Variants in HAPLN1 observed in about 807,000 individuals in gnomAD.
The protein encoded by HAPLN1 is Cartilage link protein.
A neutral mutation model predicts 36.5 loss-of-function variants in HAPLN1; 13 were observed. That is an observed-to-expected ratio of 0.36 (90% confidence interval 0.23 to 0.57). The LOEUF is 0.57. HAPLN1 is among the 20% of genes least tolerant of loss of function. The pLI, the probability that HAPLN1 is intolerant of heterozygous loss-of-function variation, is 0.83. For synonymous variants in HAPLN1, 202 were observed against 169.8 expected (o/e 1.19, Z -1.48); for missense variants, 407 against 439.7 (o/e 0.93, Z 0.66).
rs1749693989 is a variant in HAPLN1, at chr5:83,641,531, G to A, written c.1030C>T (p.Leu344=). 6.2e-7 allele frequency: 1 copy of A among 1,613,832 alleles called. No homozygotes were observed. The highest frequency in any genetic ancestry group is 8.5e-7 in the Non-Finnish European group (1 of 1,179,796). Residue 344 remains leucine, a synonymous_variant, in exon 5 of 5, where the codon CTG becomes TTG. Coordinates refer to ENST00000274341, the MANE Select transcript of HAPLN1 (RefSeq NM_001884.4). ...GCTCTGAAGCAGTAGACACCATACA[G>A]CTTATGCTTTTTATCTGGGAAACCC... is the stretch of plus-strand genomic sequence containing the variant. ...FVGFPDKKHK[L]YGVYCFRAYN
At chr5:83,654,985 A>G (rs376973377) in intron 2 of HAPLN1, among the ~76,000 whole-genome samples, 208 of 152,366 alleles carry the variant, frequency 1.4e-3, no homozygotes, top group African/African-American at 4.8e-3. Flanking sequence ...ACTAACTACT[A>G]AACTGTTCCT....
chr5:83,688,284 C>G (rs773629660), intron 1 of HAPLN1, among the ~76,000 whole-genome samples: 15 of 152,198 alleles, frequency 9.9e-5, no homozygotes, highest in Non-Finnish European at 1.9e-4. Flanking sequence ...AAGGAGTCAT[C>G]CCAGTGATCA....
intron 3 of HAPLN1, among the ~76,000 whole-genome samples, chr5:83,647,502 A>G (rs1218526360): frequency 6.6e-6 from 1 of 152,168 alleles, no homozygotes; most frequent in African/African-American, 2.4e-5. Flanking sequence ...TTGGAACTTC[A>G]TTATTGTTAG....
intron 1 of HAPLN1, among the ~76,000 whole-genome samples, chr5:83,678,450 A>G (rs1168228352): frequency 6.6e-6 from 1 of 152,190 alleles, no homozygotes. Context: ...TTTAAACAAT[A>G]TATTTTGTCA....
chr5:83,644,341 G>A (rs1749787869), intron 4 of HAPLN1, 22 bp downstream of exon 4: 3 of 1,478,664 alleles, frequency 2.0e-6, no homozygotes, highest in Admixed American at 2.2e-5. Context: ...TAGGAAAGAA[G>A]GCAGTACAGT....
At chr5:83,699,147 A>G (rs1751453129) in intron 1 of HAPLN1, among the ~76,000 whole-genome samples, 1 of 152,254 alleles carries the variant, frequency 6.6e-6, no homozygotes, top group African/African-American at 2.4e-5. Context: ...TCATTCAAAG[A>G]GTACATAAAA....
At chr5:83,641,965 A>C (rs1039243713) in intron 4 of HAPLN1, among the ~76,000 whole-genome samples, 180 bp from the exon 5 acceptor site, 1 of 152,188 alleles carries the variant, frequency 6.6e-6, no homozygotes, top group Non-Finnish European at 1.5e-5. Flanking sequence ...CCATTAAATT[A>C]GTTTTTTCCC....
rs565395791 is a variant in HAPLN1, at chr5:83,643,731, C to T, written c.775+632G>A. ...CCTCCCAAAGTGCTGGGATTATAGGCGTGAGCCACAGCACCCAGCCCACAT... is the reference window on the plus strand; with the variant it reads ...CCTCCCAAAGTGCTGGGATTATAGGTGTGAGCCACAGCACCCAGCCCACAT... On this transcript the variant is annotated intron_variant, in intron 4 of 4. Coordinates refer to ENST00000274341, the MANE Select transcript of HAPLN1 (RefSeq NM_001884.4). Among the ~76,000 whole-genome samples the T allele has an allele frequency of 2.4e-4, 36 of 152,248 alleles. 1 individual carries two copies. In the East Asian group the frequency reaches 5.4e-3, roughly 23 times the overall value.
intron 2 of HAPLN1, among the ~76,000 whole-genome samples, chr5:83,661,502 T>G (rs1319895317): frequency 7.6e-6 from 1 of 132,340 alleles, no homozygotes; most frequent in Non-Finnish European, 1.5e-5. Context: ...CGGAGTGCAG[T>G]GGCGCGATCT....
At position 83,684,657 on chromosome 5, in the gene HAPLN1, G is replaced by A. The variant is rs76678035; in HGVS notation, c.-26-11108C>T. On this transcript the variant is annotated intron_variant, in intron 1 of 4. Transcript: ENST00000274341. ...CTGCTTGTGTGACTACATGGAGCTC[G>A]TGTAGTTGGAGAGTGGGGTGATCAT... Among the ~76,000 whole-genome samples, 73 of 152,286 alleles carry A rather than the reference G, an allele frequency of 4.8e-4. 1 individual carries two copies. The East Asian group carries it at 0.011, about 22-fold the overall frequency.
intron 1 of HAPLN1, among the ~76,000 whole-genome samples, chr5:83,709,279 T>C (rs565421252): frequency 2.6e-5 from 4 of 152,232 alleles, no homozygotes; most frequent in Non-Finnish European, 5.9e-5. Flanking sequence ...GGGCAAATGT[T>C]CTTTTTACAC....
rs1273644978 is a variant in HAPLN1 at position 83,653,716 on chromosome 5, T to TG, written c.101-893dup. 5.3e-5 allele frequency among the ~76,000 whole-genome samples: 8 copies of TG among 152,242 alleles called. No homozygotes were observed. The East Asian group carries it at 1.5e-3, about 29-fold the overall frequency. On this transcript the variant is annotated intron_variant, in intron 2 of 4. Transcript: ENST00000274341. ...CAAGTCCTTCCTCCAAGGACTCTAT[T>TG]GCCTTCCAAAGAGCACCACAATATC...
At chr5:83,708,196 C>G (rs1194317356) in intron 1 of HAPLN1, among the ~76,000 whole-genome samples, 3 of 152,216 alleles carry the variant, frequency 2.0e-5, no homozygotes, top group South Asian at 4.1e-4. Context: ...TTCCACCCAG[C>G]AATCCCAGTA....
intron 1 of HAPLN1, among the ~76,000 whole-genome samples, chr5:83,680,273 A>T (rs2112607854): frequency 6.6e-6 from 1 of 151,320 alleles, no homozygotes; most frequent in Non-Finnish European, 1.5e-5. Flanking sequence ...TCTAAAACAC[A>T]TATAAAAGGC....
intron 1 of HAPLN1, among the ~76,000 whole-genome samples, chr5:83,704,337 C>T (rs1751580561): frequency 6.6e-6 from 1 of 152,094 alleles, no homozygotes; most frequent in Non-Finnish European, 1.5e-5. Context: ...CACTATAAAG[C>T]AACCACACAA....
At chr5:83,652,910 G>A (rs1580124455) in intron 2 of HAPLN1, 86 bp from the exon 3 acceptor site, 2 of 1,250,952 alleles carry the variant, frequency 1.6e-6, no homozygotes, top group Admixed American at 2.9e-5. Flanking sequence ...CACATATATA[G>A]GATATCTGAC....
intron 2 of HAPLN1, among the ~76,000 whole-genome samples, chr5:83,670,438 T>C (rs1156931611): frequency 6.6e-6 from 1 of 152,186 alleles, no homozygotes; most frequent in Admixed American, 6.5e-5. Context: ...AATATCTTGA[T>C]TGCATATTTT....
intron 1 of HAPLN1, among the ~76,000 whole-genome samples, chr5:83,705,383 G>A (rs1308379864): frequency 6.6e-5 from 3 of 45,270 alleles, no homozygotes; most frequent in Non-Finnish European, 1.2e-4. Flanking sequence ...AGAGTGAAAC[G>A]TCACAAAAAA....
chr5:83,720,159 A>G (rs1751989639), intron 1 of HAPLN1, among the ~76,000 whole-genome samples: 1 of 152,220 alleles, frequency 6.6e-6, no homozygotes, highest in Non-Finnish European at 1.5e-5. Flanking sequence ...AATCTTAACT[A>G]TGACTATAAA....
Sources: allele counts gnomAD v4.1 joint callset (sites outside exome capture counted in the v4.1 genomes callset), GRCh38; gene constraint gnomAD v4.1.1; transcripts MANE v1.5; gene names NCBI Gene and HGNC (gene_info 2026-07-23, HGNC 2026-07-21).